Variants in KIAA1328 observed in about 807,000 individuals in gnomAD.
The protein encoded by KIAA1328 is protein hinderin.
KIAA1328 carries 52 observed loss-of-function variants against 68.1 expected under a neutral mutation model. The ratio of observed to expected loss-of-function variants is 0.76; its 90% CI spans 0.61 to 0.96. KIAA1328 has a LOEUF of 0.96. Among genes scored for constraint, KIAA1328 ranks in the 40% least tolerant of loss-of-function variants. KIAA1328 has a pLI of 0.00. For synonymous variants in KIAA1328, 232 were observed against 239.4 expected, an observed-to-expected ratio of 0.97 and a Z score of 0.28; for missense variants, 641 against 677.6, an observed-to-expected ratio of 0.95 and a Z score of 0.60.
At chr18:36,972,143 A>C (rs1046705552) in intron 6 of KIAA1328, among the ~76,000 whole-genome samples, 4 of 152,272 alleles carry the variant, frequency 2.6e-5, no homozygotes, top group Non-Finnish European at 5.9e-5. Context: ...GATTATTGAC[A>C]AAAGTGCTAA....
At chr18:36,976,314 C>T (rs2052469566) in intron 6 of KIAA1328, among the ~76,000 whole-genome samples, 1 of 152,096 alleles carries the variant, frequency 6.6e-6, no homozygotes, top group Non-Finnish European at 1.5e-5. Flanking sequence ...GTAAGCTAGT[C>T]GTGACTGGGC....
At position 36,913,458 on chromosome 18, in the gene KIAA1328, G is replaced by T; in HGVS notation, c.448+27786G>T. On this transcript the variant is annotated intron_variant, in intron 5 of 9. Transcript: ENST00000280020. ...GCTCTTCCATAAATCTTTCCTGGAT[G>T]TACAAAGGCAATTACAACCTTACAC... Among the ~76,000 whole-genome samples the T allele has an allele frequency of 1.5e-5, 2 of 137,298 alleles. 1 individual carries two copies. Among genetic ancestry groups the T allele is most frequent in the Non-Finnish European group, 3.1e-5 (2 of 64,466 alleles). The allele number at this position is 137,298 out of a possible 152,430, so 90.1% of individuals were successfully genotyped here. A position where few individuals can be genotyped will look rare whatever the true frequency, so the allele number is the denominator to read the frequency against.
chr18:37,027,119 T>C (rs1188728900), intron 6 of KIAA1328, among the ~76,000 whole-genome samples: 2 of 152,138 alleles, frequency 1.3e-5, no homozygotes, highest in East Asian at 3.9e-4. Context: ...CTATTCACAA[T>C]TGCTTCAAAG....
intron 7 of KIAA1328, among the ~76,000 whole-genome samples, chr18:37,073,821 T>G (rs2056615873): frequency 6.6e-6 from 1 of 152,204 alleles, no homozygotes; most frequent in Non-Finnish European, 1.5e-5. Context: ...TGATGCATGC[T>G]TTACTATTCT....
chr18:36,837,568 G>A (rs2046720777), intron 3 of KIAA1328, among the ~76,000 whole-genome samples: 1 of 151,898 alleles, frequency 6.6e-6, no homozygotes, highest in Non-Finnish European at 1.5e-5. Flanking sequence ...GTTCTTTGAA[G>A]CACAGAAGTT....
intron 4 of KIAA1328, among the ~76,000 whole-genome samples, chr18:36,854,207 C>T (rs933216441): frequency 6.6e-6 from 1 of 152,180 alleles, no homozygotes; most frequent in Non-Finnish European, 1.5e-5. Context: ...AGAAGGCAGG[C>T]ATCTGGGAGA....
chr18:36,916,769 CT>C, intron 5 of KIAA1328, among the ~76,000 whole-genome samples: 1 of 152,226 alleles, frequency 6.6e-6, no homozygotes, highest in Non-Finnish European at 1.5e-5. Flanking sequence ...GTTAAAACAG[CT>C]GCCATTTTTT....
chr18:36,876,095 G>A (rs2048113895), intron 4 of KIAA1328, among the ~76,000 whole-genome samples: 1 of 152,054 alleles, frequency 6.6e-6, no homozygotes, highest in Non-Finnish European at 1.5e-5. Context: ...TTTTCCCATC[G>A]ATGTTCATCA....
intron 7 of KIAA1328, among the ~76,000 whole-genome samples, chr18:37,151,804 G>A (rs2059035700): frequency 6.6e-6 from 1 of 152,116 alleles, no homozygotes; most frequent in Non-Finnish European, 1.5e-5. Flanking sequence ...AAGTGCGAGT[G>A]GTATGAGAAG....
At chr18:37,219,435 G>A (rs190835615) in intron 9 of KIAA1328, among the ~76,000 whole-genome samples, 3 of 152,346 alleles carry the variant, frequency 2.0e-5, no homozygotes. Context: ...CCCCAGAGGT[G>A]GAGTCTACAG....
chr18:36,877,759 C>A (rs547942353), intron 4 of KIAA1328, among the ~76,000 whole-genome samples: 2 of 151,210 alleles, frequency 1.3e-5, no homozygotes, highest in South Asian at 4.2e-4. Flanking sequence ...CTGTGCCTCC[C>A]AGGTTCAGGC....
At chr18:36,862,819 A>C (rs1195866797) in intron 4 of KIAA1328, among the ~76,000 whole-genome samples, 1 of 152,178 alleles carries the variant, frequency 6.6e-6, no homozygotes, top group Non-Finnish European at 1.5e-5. Context: ...ATTCTTGCTA[A>C]CATTTGTTAT....
chr18:37,123,089 C>T (rs2058311297), intron 7 of KIAA1328, among the ~76,000 whole-genome samples: 1 of 152,076 alleles, frequency 6.6e-6, no homozygotes, highest in Non-Finnish European at 1.5e-5. Context: ...CCTTGCTAAC[C>T]CTTGGTTTCC....
intron 6 of KIAA1328, among the ~76,000 whole-genome samples, chr18:37,029,753 A>AACTGTTT (rs1302240970): frequency 6.6e-6 from 1 of 152,102 alleles, no homozygotes; most frequent in Non-Finnish European, 1.5e-5. Flanking sequence ...ATCTGCTGGA[A>AACTGTTT]ACTGTTTTCT....
intron 4 of KIAA1328, among the ~76,000 whole-genome samples, chr18:36,852,285 T>C (rs1340523950): frequency 6.6e-6 from 1 of 152,152 alleles, no homozygotes; most frequent in Non-Finnish European, 1.5e-5. Flanking sequence ...GTGTATGTCT[T>C]TTAGGTTTAG....
chr18:37,070,497 C>T (rs930064239), intron 7 of KIAA1328, among the ~76,000 whole-genome samples: 9 of 151,178 alleles, frequency 6.0e-5, no homozygotes, highest in African/African-American at 2.2e-4. Flanking sequence ...TTCTTTGCTG[C>T]TTATGCATTA....
chr18:36,915,255 C>A (rs1375380594), intron 5 of KIAA1328, among the ~76,000 whole-genome samples: 2 of 151,988 alleles, frequency 1.3e-5, no homozygotes, highest in African/African-American at 2.4e-5. Flanking sequence ...GTGGTTTTGA[C>A]AAAGTTGCAG....
intron 8 of KIAA1328, among the ~76,000 whole-genome samples, chr18:37,164,531 T>C (rs1405676940): frequency 6.6e-6 from 1 of 152,020 alleles, no homozygotes; most frequent in Non-Finnish European, 1.5e-5. Context: ...GATCACCTGA[T>C]GTCAGGAATT....
At chr18:37,197,987 T>G (rs560105592) in intron 9 of KIAA1328, among the ~76,000 whole-genome samples, 112 of 152,328 alleles carry the variant, frequency 7.4e-4, no homozygotes, top group African/African-American at 2.2e-3. Flanking sequence ...AAATGTGGTG[T>G]GTTCATACTG....
Sources: allele counts gnomAD v4.1 joint callset (sites outside exome capture counted in the v4.1 genomes callset), GRCh38; gene constraint gnomAD v4.1.1; transcripts MANE v1.5; gene names NCBI Gene and HGNC (gene_info 2026-07-23, HGNC 2026-07-21).